The following RANBP3 variants were observed in gnomAD, a reference collection of about 807,000 sequenced individuals.
RANBP3 encodes the protein ran-binding protein 3.
Under a neutral mutation model 77.3 loss-of-function variants are expected in RANBP3, and 14 were observed. The observed-to-expected ratio is 0.18, with a 90% confidence interval of 0.12 to 0.28. The LOEUF is 0.28. Among genes scored for constraint, RANBP3 ranks in the 10% least tolerant of loss-of-function variants. The pLI is 1.00. For missense variants in RANBP3, 586 were observed against 752.3 expected (o/e 0.78, Z 2.59); for synonymous variants, 315 against 312.4 (o/e 1.01, Z -0.09).
chr19:5,951,708 G>A (rs1043010159), intron 2 of RANBP3, 112 bp from the exon 3 acceptor site: 10 of 968,396 alleles, frequency 1.0e-5, no homozygotes, highest in Non-Finnish European at 1.6e-5. Context: ...AGCAGCTCCT[G>A]CGCCTGGGAG....
At chr19:5,947,600 C>A (rs1284551417) in intron 3 of RANBP3, among the ~76,000 whole-genome samples, 2 of 152,218 alleles carry the variant, frequency 1.3e-5, no homozygotes, top group Non-Finnish European at 2.9e-5. Context: ...GACCAGAGGG[C>A]CCTTTGACTT....
chr19:5,922,663 G>C (rs1206280730), intron 13 of RANBP3, among the ~76,000 whole-genome samples: 1 of 152,242 alleles, frequency 6.6e-6, no homozygotes, highest in African/African-American at 2.4e-5. Context: ...TCTCGGGCTG[G>C]GCGTGGTGGC....
chr19:5,970,469 T>TG (rs1568483303), intron 1 of RANBP3, among the ~76,000 whole-genome samples: 1 of 152,018 alleles, frequency 6.6e-6, no homozygotes, highest in African/African-American at 2.4e-5. Context: ...GGTTCTCAAG[T>TG]GGGGGCAATT....
chr19:5,922,658 G>A (rs1481836451), intron 13 of RANBP3, among the ~76,000 whole-genome samples: 1 of 152,220 alleles, frequency 6.6e-6, no homozygotes. Flanking sequence ...AAATGTCTCG[G>A]GCTGGGCGTG....
chr19:5,921,391 C>A lies in RANBP3; in HGVS notation c.1210-70G>T. 1 of 1,587,236 alleles carries A rather than the reference C, an allele frequency of 6.3e-7. No homozygotes were observed. The highest frequency in any genetic ancestry group is 1.1e-5 in the South Asian group (1 of 87,680). ...CCTGCTGCAGCCACACCCTGAGAGT[C>A]GCCCTTTAGCCTGTGGGGACTGCCA... On this transcript the variant is annotated intron_variant, in intron 13 of 16. Transcript: ENST00000340578. This position sits in a 1 kb window ranked among gnomAD's most constrained non-coding sequence, Gnocchi z 5.3.
intron 2 of RANBP3, among the ~76,000 whole-genome samples, chr19:5,955,981 G>T (rs920677187): frequency 6.6e-6 from 1 of 151,966 alleles, no homozygotes; most frequent in Non-Finnish European, 1.5e-5. Context: ...TGGTGGTGGT[G>T]CCTGTAGTCC....
intron 1 of RANBP3, among the ~76,000 whole-genome samples, chr19:5,966,765 G>A (rs2058472482): frequency 6.6e-6 from 1 of 152,238 alleles, no homozygotes; most frequent in East Asian, 1.9e-4. Context: ...CCTCCTGACT[G>A]ATGACTCCAA....
chr19:5,941,965 G>A, intron 3 of RANBP3, 130 bp from the exon 4 acceptor site: 1 of 1,002,162 alleles, frequency 1.0e-6, no homozygotes, highest in Middle Eastern at 3.1e-4. Context: ...GCACCCGAAT[G>A]AGAGCCAGGA....
chr19:5,926,894 G>A (rs868362123), intron 9 of RANBP3, among the ~76,000 whole-genome samples: 2 of 152,174 alleles, frequency 1.3e-5, no homozygotes, highest in South Asian at 4.1e-4. Context: ...GAAAACACAA[G>A]CCGGTGCTTT....
intron 2 of RANBP3, among the ~76,000 whole-genome samples, chr19:5,955,990 C>A (rs1250636699): frequency 6.6e-6 from 1 of 151,940 alleles, no homozygotes; most frequent in Non-Finnish European, 1.5e-5. Context: ...TGCCTGTAGT[C>A]CCAGCTACTC....
intron 1 of RANBP3, among the ~76,000 whole-genome samples, chr19:5,964,447 A>G (rs916964318): frequency 5.9e-5 from 9 of 152,036 alleles, no homozygotes; most frequent in Non-Finnish European, 1.3e-4. Context: ...TCCCTCAGCA[A>G]TTCCACACAT....
At chr19:5,950,366 T>C (rs2058260514) in intron 3 of RANBP3, among the ~76,000 whole-genome samples, 1 of 152,206 alleles carries the variant, frequency 6.6e-6, no homozygotes, top group Non-Finnish European at 1.5e-5. Context: ...AAGTAAAGAC[T>C]GTTGCTTCTT....
chr19:5,969,021 G>A (rs1015168340), intron 1 of RANBP3, among the ~76,000 whole-genome samples: 3 of 152,206 alleles, frequency 2.0e-5, no homozygotes, highest in African/African-American at 4.8e-5. Context: ...GAGCAGGGAT[G>A]AGCCAGGTGA....
intron 1 of RANBP3, among the ~76,000 whole-genome samples, chr19:5,968,081 C>T (rs1481921179): frequency 1.3e-5 from 2 of 152,168 alleles, no homozygotes; most frequent in East Asian, 1.9e-4. Flanking sequence ...CCAGCTTTAA[C>T]GGCACTTTTC....
intron 1 of RANBP3, among the ~76,000 whole-genome samples, chr19:5,967,280 G>A (rs1398477012): frequency 5.9e-5 from 9 of 152,176 alleles, no homozygotes. Context: ...AGATTATGGG[G>A]ACACACTTTT....
chr19:5,926,943 C>T (rs894417681), intron 9 of RANBP3, among the ~76,000 whole-genome samples: 22 of 152,272 alleles, frequency 1.4e-4, no homozygotes, highest in African/African-American at 5.1e-4. Context: ...TCAGGGCCCT[C>T]CCCGTCGACA....
intron 1 of RANBP3, among the ~76,000 whole-genome samples, chr19:5,970,109 T>G (rs1292557155): frequency 6.6e-6 from 1 of 152,166 alleles, no homozygotes; most frequent in Non-Finnish European, 1.5e-5. Context: ...ATCTAGTGGA[T>G]GGAGACCAGG....
chr19:5,956,726 C>T (rs950785807), intron 2 of RANBP3, among the ~76,000 whole-genome samples: 7 of 152,128 alleles, frequency 4.6e-5, no homozygotes, highest in Admixed American at 2.0e-4. Context: ...TCAGGAAAAC[C>T]GGGCCACATC....
chr19:5,968,085 A>G (rs2058489617), intron 1 of RANBP3, among the ~76,000 whole-genome samples: 1 of 152,228 alleles, frequency 6.6e-6, no homozygotes, highest in South Asian at 2.1e-4. Context: ...CTTTAACGGC[A>G]CTTTTCTGTT....
Sources: gnomAD v4.1 joint callset for allele counts (sites outside exome capture counted in the v4.1 genomes callset) on GRCh38, gnomAD v4.1.1 for gene constraint, Gnocchi (gnomAD v3.1) non-coding constraint, MANE v1.5 for transcripts, NCBI Gene and HGNC (gene_info 2026-07-23, HGNC 2026-07-21) for gene names.